ACOT11: variants seen among roughly 807,000 people sequenced by gnomAD.
ACOT11 encodes the protein acyl-CoA thioesterase 11.
ACOT11 carries 69 observed loss-of-function variants against 77.5 expected under a neutral mutation model. That is an observed-to-expected ratio of 0.89 (90% CI 0.73 to 1.09). The LOEUF is 1.09. Among genes scored for constraint, ACOT11 ranks in the 50% least tolerant of loss-of-function variants. The probability of loss-of-function intolerance (pLI) is 0.00; values close to 1 mark genes in which losing one functional copy is unlikely to be tolerated. For missense variants in ACOT11, 766 were observed against 813.7 expected, an observed-to-expected ratio of 0.94 and a Z score of 0.71; for synonymous variants, 279 against 313.0, an observed-to-expected ratio of 0.89 and a Z score of 1.15.
In ACOT11 at chr1:54,548,648, C is replaced by T; in HGVS notation, c.33+306C>T. The T allele has an allele frequency of 6.3e-6, 3 of 478,576 alleles. No individual in the cohort carries two copies. In the Admixed American group the frequency reaches 1.1e-4, roughly 18 times the overall value. The allele number at this position is 478,576 out of a possible 1,614,324, so 29.6% of individuals were successfully genotyped here. Reference sequence around the variant, plus strand: ...GGTGTATGTTTCTCCCTGCAGAGTTCTGTGTATGTTTCTGGGGGATGTCTG... The same window carrying T: ...GGTGTATGTTTCTCCCTGCAGAGTTTTGTGTATGTTTCTGGGGGATGTCTG... On this transcript the variant is annotated intron_variant, in intron 1 of 15. Coordinates refer to ENST00000343744, the MANE Select transcript of ACOT11 (RefSeq NM_147161.4).
At position 54,550,843 on chromosome 1, in the gene ACOT11, C is replaced by A. The variant is rs145937453; in HGVS notation, c.33+2501C>A. 7.3e-5 allele frequency among the ~76,000 whole-genome samples: 11 copies of A among 151,432 alleles called. No homozygotes were observed. The East Asian group carries it at 2.2e-3, about 30-fold the overall frequency. On this transcript the variant is annotated intron_variant, in intron 1 of 15. Coordinates refer to ENST00000343744, the MANE Select transcript of ACOT11 (RefSeq NM_147161.4). Reference sequence around the variant, plus strand: ...GTCTCAAAACAAAAACAAAAACAAACAAAAAACCCCACCAAGCTGGGTGTG... The same window carrying A: ...GTCTCAAAACAAAAACAAAAACAAAAAAAAAACCCCACCAAGCTGGGTGTG...
At chr1:54,621,417 A>G (rs757927424) in intron 15 of ACOT11, 1 of 152,158 alleles carries the variant, frequency 6.6e-6, no homozygotes, top group Non-Finnish European at 1.5e-5. Flanking sequence ...AGATCATGCT[A>G]CTGCACTCCA....
At chr1:54,564,950 T>C (rs1022027682) in intron 1 of ACOT11, among the ~76,000 whole-genome samples, 4 of 152,098 alleles carry the variant, frequency 2.6e-5, no homozygotes, top group African/African-American at 9.7e-5. Context: ...AGGGCGAACA[T>C]GGGAGAGGAA....
At chr1:54,581,068 G>A (rs150410631) in intron 1 of ACOT11, among the ~76,000 whole-genome samples, 151 of 152,284 alleles carry the variant, frequency 9.9e-4, no homozygotes, top group Non-Finnish European at 1.7e-3. Context: ...TGCCTGGTGA[G>A]GCTTGCTCTT....
At chr1:54,579,741 C>A (rs534413951) in intron 1 of ACOT11, among the ~76,000 whole-genome samples, 3 of 152,174 alleles carry the variant, frequency 2.0e-5, no homozygotes, top group African/African-American at 7.2e-5. Flanking sequence ...GAGGCAGGGG[C>A]GGGAGAGTGG....
At chr1:54,599,527 G>GA in intron 8 of ACOT11, 112 bp downstream of exon 8, 1 of 1,200,892 alleles carries the variant, frequency 8.3e-7, no homozygotes. Flanking sequence ...TGCAGACAGG[G>GA]TCTAAATCCC....
At chr1:54,563,410 G>C (rs745499275) in intron 1 of ACOT11, among the ~76,000 whole-genome samples, 1 of 152,250 alleles carries the variant, frequency 6.6e-6, no homozygotes, top group Non-Finnish European at 1.5e-5. Flanking sequence ...CCAAGCCTCA[G>C]TTCCCTTTTC....
At position 54,594,551 on chromosome 1, in the gene ACOT11, G is replaced by A. The variant is rs1755591; in HGVS notation, c.472-5G>A. 0.059 allele frequency: 94,281 copies of A among 1,610,700 alleles called. 7,315 individuals are homozygous for A. Among genetic ancestry groups the A allele is most frequent in the African/African-American group, 0.27 (20,415 of 74,988 alleles). On this transcript the variant is annotated splice_region_variant and splice_polypyrimidine_tract_variant and intron_variant, in intron 5 of 15. Transcript: ENST00000343744. ...GTGTCCCCCACCCTGTCCCCTGGCC[G>A]ACAGGTGAAGCTGAAGCAGATCACG...
chr1:54,613,003 G>A (rs1410149696), downstream of ACOT11, among the ~76,000 whole-genome samples: 1 of 46,938 alleles, frequency 2.1e-5, no homozygotes, highest in Non-Finnish European at 4.1e-5. Flanking sequence ...CATATAGACA[G>A]GAAACTGACT....
chr1:54,570,370 T>G (rs1653890063), intron 1 of ACOT11, among the ~76,000 whole-genome samples: 1 of 152,242 alleles, frequency 6.6e-6, no homozygotes, highest in Non-Finnish European at 1.5e-5. Context: ...GGAAAGCAGA[T>G]GCCATTGTCA....
intron 1 of ACOT11, among the ~76,000 whole-genome samples, chr1:54,563,088 C>G (rs1012733282): frequency 6.6e-6 from 1 of 151,896 alleles, no homozygotes; most frequent in Non-Finnish European, 1.5e-5. Flanking sequence ...CTGCGGGGCC[C>G]GTCCGCTCCT....
In ACOT11 at chr1:54,609,220, G is replaced by A. The variant is rs545983046; in HGVS notation, c.*108G>A. On this transcript the variant is annotated 3_prime_UTR_variant, in exon 16 of 16. Transcript: ENST00000343744. ...GACCTTTATTTCTTCCTGCCTCCCC[G>A]TGGGAAGCCTCCGCCCTGAGGTCCG... 26 of 1,590,224 alleles carry A rather than the reference G, an allele frequency of 1.6e-5. No homozygotes were observed. The highest frequency in any genetic ancestry group is 1.9e-5 in the Non-Finnish European group (22 of 1,166,900).
At chr1:54,590,625 T>A (rs923024486) in intron 3 of ACOT11, among the ~76,000 whole-genome samples, 1 of 152,220 alleles carries the variant, frequency 6.6e-6, no homozygotes, top group Non-Finnish European at 1.5e-5. Flanking sequence ...TTTGCCGTAA[T>A]TTTTGATCAT....
chr1:54,550,111 C>T (rs1653012587), intron 1 of ACOT11, among the ~76,000 whole-genome samples: 1 of 152,194 alleles, frequency 6.6e-6, no homozygotes, highest in Non-Finnish European at 1.5e-5. Flanking sequence ...CAAGATCACA[C>T]TGGTAGGAAG....
chr1:54,608,123 C>G (rs947956186), intron 15 of ACOT11, 55 bp downstream of exon 15: 4 of 1,566,600 alleles, frequency 2.6e-6, no homozygotes, highest in Admixed American at 1.8e-5. Flanking sequence ...CAACACCACA[C>G]GTGTATTGAG....
intron 9 of ACOT11, 58 bp from the exon 10 acceptor site, chr1:54,602,610 GA>G: frequency 7.1e-7 from 1 of 1,417,624 alleles, no homozygotes; most frequent in South Asian, 1.6e-5. Context: ...CTGGGGGATG[GA>G]GAGGGGGCAG....
downstream of ACOT11, among the ~76,000 whole-genome samples, chr1:54,613,870 G>T (rs1644144040): frequency 6.6e-6 from 1 of 152,128 alleles, no homozygotes; most frequent in African/African-American, 2.4e-5. Flanking sequence ...GAAAGAGCCT[G>T]GAGCTTAGAA....
chr1:54,549,897 T>C (rs1305128050), intron 1 of ACOT11, among the ~76,000 whole-genome samples: 6 of 152,316 alleles, frequency 3.9e-5, no homozygotes, highest in Non-Finnish European at 5.9e-5. Context: ...TTTAACCCTT[T>C]ATGACTTTTT....
At chr1:54,554,205 C>G (rs1653169617) in intron 1 of ACOT11, among the ~76,000 whole-genome samples, 2 of 146,416 alleles carry the variant, frequency 1.4e-5, no homozygotes, top group South Asian at 4.2e-4. Flanking sequence ...AAAAAAAAAA[C>G]TCCACCATAA....
Sources: allele counts gnomAD v4.1 joint callset (sites outside exome capture counted in the v4.1 genomes callset), GRCh38; gene constraint gnomAD v4.1.1; transcripts MANE v1.5; gene names NCBI Gene and HGNC (gene_info 2026-07-23, HGNC 2026-07-21).